The following PHF2 variants were observed in gnomAD, a reference collection of about 807,000 sequenced individuals.
PHF2 encodes the protein lysine-specific demethylase PHF2.
PHF2 carries 27 observed loss-of-function variants against 120.5 expected under a neutral mutation model. The ratio of observed to expected loss-of-function variants is 0.22; its 90% CI spans 0.17 to 0.31. PHF2 has a LOEUF of 0.31. Ranked by LOEUF, PHF2 falls within the 10% of genes least tolerant of loss-of-function variation. The pLI, the probability that PHF2 is intolerant of heterozygous loss-of-function variation, is 1.00. For missense variants in PHF2, 1,024 were observed against 1,434.8 expected, an observed-to-expected ratio of 0.71 and a Z score of 4.63; for synonymous variants, 568 against 592.5, an observed-to-expected ratio of 0.96 and a Z score of 0.60.
At chr9:93,665,539 CG>C in intron 14 of PHF2, 146 bp from the exon 15 acceptor site, 1 of 824,652 alleles carries the variant, frequency 1.2e-6, no homozygotes, top group Non-Finnish European at 1.9e-6. Context: ...GAGGCTTCTT[CG>C]GATGGAAATT....
chr9:93,617,458 C>T (rs750518158), intron 1 of PHF2, among the ~76,000 whole-genome samples: 2 of 152,220 alleles, frequency 1.3e-5, no homozygotes, highest in South Asian at 2.1e-4. Context: ...TCAGGTTTTG[C>T]GGGGAGCAGG....
intron 3 of PHF2, 41 bp from the exon 4 acceptor site, chr9:93,645,588 C>T: frequency 6.6e-7 from 1 of 1,517,652 alleles, no homozygotes; most frequent in Non-Finnish European, 8.9e-7. Flanking sequence ...GTGCAGGAGG[C>T]CTCGGGCCCA....
chr9:93,604,173 G>T (rs1425058895), intron 1 of PHF2, among the ~76,000 whole-genome samples: 1 of 152,134 alleles, frequency 6.6e-6, no homozygotes, highest in African/African-American at 2.4e-5. Flanking sequence ...GTGTGGTAGG[G>T]AAGAGGCCTG....
rs553835565 is a variant in PHF2, at chr9:93,676,826, C to T, written c.3065C>T (p.Ala1022Val). Residue 1022 changes from alanine (A) to valine (V), a missense_variant, in exon 21 of 22, where the codon GCG becomes GTG. Physicochemically the swap from Ala to Val is moderately conservative, Grantham distance 64. This residue lies in a region of PHF2 where 677 missense variants were observed against 857.4 expected (regional missense o/e 0.79). Coordinates refer to ENST00000359246, the MANE Select transcript of PHF2 (RefSeq NM_005392.4). ...CCTGAGTCGCATAGCAGCAGCCTGGCGGACCATGAGTACACAGCCGCTGGC... is the reference window on the plus strand; with the variant it reads ...CCTGAGTCGCATAGCAGCAGCCTGGTGGACCATGAGTACACAGCCGCTGGC... ...PPPESHSSSLADHEYTAAGTF... is the reference protein window; with the variant it reads ...PPPESHSSSLVDHEYTAAGTF... The T allele has an allele frequency of 5.1e-6, 8 of 1,557,240 alleles. No homozygotes were observed. The highest frequency in any genetic ancestry group is 2.4e-5 in the South Asian group (2 of 84,526).
At chr9:93,617,085 G>C (rs1825741351) in intron 1 of PHF2, among the ~76,000 whole-genome samples, 2 of 152,170 alleles carry the variant, frequency 1.3e-5, no homozygotes, top group African/African-American at 4.8e-5. Context: ...TCCAGGCTTG[G>C]CATGGTCTGG....
intron 1 of PHF2, among the ~76,000 whole-genome samples, chr9:93,602,247 CTTTTT>C (rs67001312): frequency 8.0e-4 from 64 of 79,670 alleles, no homozygotes; most frequent in Admixed American, 2.9e-3. Flanking sequence ...CCTAGAGATT[CTTTTT>C]TTTTTTTTTT....
At chr9:93,652,698 G>A (rs1587707754) in intron 5 of PHF2, among the ~76,000 whole-genome samples, 1 of 152,316 alleles carries the variant, frequency 6.6e-6, no homozygotes, top group Admixed American at 6.5e-5. Flanking sequence ...ATATGAGTTG[G>A]CTGGATTTGA....
chr9:93,637,842 G>C (rs927527401), intron 3 of PHF2, among the ~76,000 whole-genome samples: 1 of 152,174 alleles, frequency 6.6e-6, no homozygotes, highest in African/African-American at 2.4e-5. Flanking sequence ...CTGTTTAACT[G>C]TTTGAAGAAC....
intron 14 of PHF2, among the ~76,000 whole-genome samples, chr9:93,664,659 A>G (rs905609057): frequency 2.0e-5 from 3 of 152,234 alleles, no homozygotes. Context: ...GCCAAGGGGC[A>G]GGTCTGCGGG....
rs538601292 is a variant in PHF2 at position 93,677,726 on chromosome 9, C to T, written c.*50C>T. On this transcript the variant is annotated 3_prime_UTR_variant, in exon 22 of 22. Transcript: ENST00000359246. This position sits in a 1 kb window ranked among gnomAD's most constrained non-coding sequence, Gnocchi z 4.4. ...GCTCCGCTCAGGACCCCCGGAGCCC[C>T]GCGAAAACATCTGCCTCCCAGGAGG... The T allele has an allele frequency of 6.7e-5, 95 of 1,413,902 alleles. No homozygotes were observed. The highest frequency in any genetic ancestry group is 3.0e-4 in the East Asian group (13 of 43,656). The allele number at this position is 1,413,902 out of a possible 1,614,324, so 87.6% of individuals were successfully genotyped here.
chr9:93,670,724 G>A (rs1400051865), intron 17 of PHF2, among the ~76,000 whole-genome samples: 2 of 152,226 alleles, frequency 1.3e-5, no homozygotes, highest in Non-Finnish European at 2.9e-5. Context: ...ACCACTCTGT[G>A]AGCCTAGACA....
At position 93,639,850 on chromosome 9, in the gene PHF2, C is replaced by T. The variant is rs575407500; in HGVS notation, c.299+3325C>T. 1.5e-4 allele frequency among the ~76,000 whole-genome samples: 23 copies of T among 152,340 alleles called. No individual in the cohort carries two copies. The South Asian group carries it at 2.7e-3, about 18-fold the overall frequency. On this transcript the variant is annotated intron_variant, in intron 3 of 21. Coordinates refer to ENST00000359246, the MANE Select transcript of PHF2 (RefSeq NM_005392.4). ...AGCTGGGAGCCGGTGGGGACGAAGC[C>T]TGTGTTTTTGGCTGCAGCACTTGGG...
chr9:93,633,388 G>A (rs1179141003), intron 2 of PHF2, among the ~76,000 whole-genome samples: 2 of 152,214 alleles, frequency 1.3e-5, no homozygotes, highest in Admixed American at 6.5e-5. Flanking sequence ...AAGCCACATA[G>A]TGGTTAGAAG....
At chr9:93,642,442 G>A (rs949471830) in intron 3 of PHF2, among the ~76,000 whole-genome samples, 2 of 152,280 alleles carry the variant, frequency 1.3e-5, no homozygotes, top group South Asian at 2.1e-4. Flanking sequence ...TTTCAGCAAA[G>A]GCTTATGAAA....
intron 1 of PHF2, among the ~76,000 whole-genome samples, chr9:93,608,334 A>AATT (rs139766879): frequency 0.34 from 51,297 of 149,912 alleles, 9,059 homozygotes; most frequent in Non-Finnish European, 0.38. Context: ...TAATAATAAT[A>AATT]ATTATTATTT....
At chr9:93,663,307 C>T (rs1826611846) in intron 13 of PHF2, among the ~76,000 whole-genome samples, 1 of 152,122 alleles carries the variant, frequency 6.6e-6, no homozygotes, top group African/African-American at 2.4e-5. Flanking sequence ...TTTTCATTCC[C>T]ACTCCATGGG....
intron 1 of PHF2, among the ~76,000 whole-genome samples, chr9:93,619,920 G>A (rs940320623): frequency 3.3e-5 from 5 of 152,200 alleles, no homozygotes; most frequent in Non-Finnish European, 7.3e-5. Flanking sequence ...GCCAGGCACC[G>A]CCTCTCTCAG....
rs1408726541 is a variant in PHF2, at chr9:93,654,529, C to G, written c.906C>G (p.Cys302Trp). 1.2e-6 allele frequency: 2 copies of G among 1,613,968 alleles called. No homozygotes were observed. Among genetic ancestry groups the G allele is most frequent in the African/African-American group, 1.3e-5 (1 of 74,936 alleles). ...TCTTTGCTGACCAGGTCGACAAATG[C>G]TACAAGTGCATCGTCAAGCAGGGCC... is the stretch of plus-strand genomic sequence containing the variant. ...EMFFADQVDK[C>W]YKCIVKQGQT... Residue 302 changes from cysteine to tryptophan, a missense_variant, in exon 7 of 22, where the codon TGC becomes TGG. Cys to Trp is a radical substitution (Grantham distance 215). This residue lies in a region of PHF2 where 347 missense variants were observed against 577.4 expected (regional missense o/e 0.60). Transcript: ENST00000359246.
chr9:93,656,366 C>G lies in PHF2; in HGVS notation c.1041-123C>G. The G allele has an allele frequency of 2.8e-6, 2 of 719,230 alleles. No homozygotes were observed. Among genetic ancestry groups the G allele is most frequent in the Admixed American group, 4.7e-5 (2 of 42,344 alleles). The allele number at this position is 719,230 out of a possible 1,614,324, so 44.6% of individuals were successfully genotyped here. On this transcript the variant is annotated intron_variant, in intron 8 of 21. Coordinates refer to ENST00000359246, the MANE Select transcript of PHF2 (RefSeq NM_005392.4). The surrounding 1 kb of genome is among the most constrained non-coding windows in gnomAD (Gnocchi z 4.1). ...GCCACCAGGGCAGTTTTCCCCTGGTCCTCCTCAGCTATGCAGGGCCCAGTG... is the reference window on the plus strand; with the variant it reads ...GCCACCAGGGCAGTTTTCCCCTGGTGCTCCTCAGCTATGCAGGGCCCAGTG...
Sources: allele counts gnomAD v4.1 joint callset (sites outside exome capture counted in the v4.1 genomes callset), GRCh38; gene constraint gnomAD v4.1.1; regional missense constraint gnomAD v4.1.1; non-coding constraint Gnocchi (gnomAD v3.1); transcripts MANE v1.5; gene names NCBI Gene and HGNC (gene_info 2026-07-23, HGNC 2026-07-21).